The following N4BP2 variants were observed in gnomAD, a reference collection of about 807,000 sequenced individuals.
N4BP2 encodes NEDD4 binding protein 2, also known as NEDD4-binding protein 2.
N4BP2 carries 91 observed loss-of-function variants against 152.8 expected under a neutral mutation model. The ratio of observed to expected loss-of-function variants is 0.60; its 90% CI spans 0.50 to 0.71. N4BP2 has a LOEUF of 0.71. N4BP2 is among the 30% of genes least tolerant of loss of function. The pLI is 0.00. For synonymous variants in N4BP2, 646 were observed against 705.3 expected, an observed-to-expected ratio of 0.92 and a Z score of 1.33; for missense variants, 1,923 against 2,059.1, an observed-to-expected ratio of 0.93 and a Z score of 1.28.
intron 12 of N4BP2, among the ~76,000 whole-genome samples, chr4:40,126,770 T>C (rs1718447965): frequency 6.6e-6 from 1 of 152,090 alleles, no homozygotes. Context: ...TTTTATTTTA[T>C]TTTTGGAGAT....
chr4:40,147,493 G>T (rs1720665656), intron 16 of N4BP2, among the ~76,000 whole-genome samples: 1 of 149,672 alleles, frequency 6.7e-6, no homozygotes, highest in African/African-American at 2.5e-5. Flanking sequence ...GGGCGGCCGG[G>T]CAGAGGCGCC....
chr4:40,175,614 C>T, the N4BP2 span, among the ~76,000 whole-genome samples: 3 of 150,942 alleles, frequency 2.0e-5, no homozygotes, highest in East Asian at 5.9e-4. Flanking sequence ...TGAGACCAGC[C>T]TGGGCAACAA....
chr4:40,166,371 A>T, the N4BP2 span, among the ~76,000 whole-genome samples: 1 of 152,082 alleles, frequency 6.6e-6, no homozygotes, highest in Non-Finnish European at 1.5e-5. Flanking sequence ...AACTATATAT[A>T]TTACTATTAG....
At chr4:40,119,481 G>A (rs572769160) in intron 8 of N4BP2, among the ~76,000 whole-genome samples, 55 of 151,998 alleles carry the variant, frequency 3.6e-4, no homozygotes, top group African/African-American at 1.1e-3. Context: ...TCTCTTAATC[G>A]GGCAAATAGC....
intron 11 of N4BP2, among the ~76,000 whole-genome samples, chr4:40,124,596 C>T (rs988353037): frequency 1.3e-5 from 2 of 152,174 alleles, no homozygotes; most frequent in African/African-American, 4.8e-5. Flanking sequence ...ATCTGCCCAC[C>T]TTGGCCTCCC....
In N4BP2 at chr4:40,155,684, T is replaced by C. The variant is rs1269178096; in HGVS notation, c.*1447T>C. On this transcript the variant is annotated 3_prime_UTR_variant, in exon 18 of 18. Transcript: ENST00000261435. ...TTTCAACATACATAATTTTAACAAA[T>C]AGTTTTGTTGCTTTTTGTTAAGCTT... The C allele has an allele frequency of 1.3e-5, 2 of 152,166 alleles. No homozygotes were observed. The highest frequency in any genetic ancestry group is 4.8e-5 in the African/African-American group (2 of 41,458). 9.4% of individuals were successfully genotyped at this position (152,166 alleles called of 1,614,324 possible).
At chr4:40,184,978 TAAATA>T in the N4BP2 span, among the ~76,000 whole-genome samples, 1 of 151,758 alleles carries the variant, frequency 6.6e-6, no homozygotes, top group African/African-American at 2.4e-5. Context: ...AATAAATAAA[TAAATA>T]AAATAAAAAA....
chr4:40,162,690 T>C (rs1019743972), downstream of N4BP2, among the ~76,000 whole-genome samples: 2 of 152,172 alleles, frequency 1.3e-5, no homozygotes. Context: ...ATAATACACA[T>C]TATTATTTAA....
chr4:40,161,604 T>C (rs767016407), downstream of N4BP2, among the ~76,000 whole-genome samples: 34 of 152,164 alleles, frequency 2.2e-4, no homozygotes, highest in Admixed American at 3.9e-4. Flanking sequence ...AGGATCTCTA[T>C]TTTTAAAAAA....
chr4:40,059,767 G>A (rs1320591412), intron 1 of N4BP2, among the ~76,000 whole-genome samples: 3 of 152,180 alleles, frequency 2.0e-5, no homozygotes, highest in African/African-American at 7.2e-5. Context: ...TGGCTTATGT[G>A]TATGTACACA....
the N4BP2 span, among the ~76,000 whole-genome samples, chr4:40,178,112 A>G: frequency 6.6e-6 from 1 of 152,160 alleles, no homozygotes; most frequent in Admixed American, 6.5e-5. Flanking sequence ...GTGAGCCGAG[A>G]TCATGCCACT....
the N4BP2 span, among the ~76,000 whole-genome samples, chr4:40,170,394 A>T: frequency 7.2e-5 from 11 of 152,104 alleles, no homozygotes; most frequent in African/African-American, 2.4e-4. Flanking sequence ...TGACGCAGGC[A>T]GATCACTTGA....
intron 2 of N4BP2, among the ~76,000 whole-genome samples, chr4:40,095,167 T>G (rs1417151176): frequency 6.6e-6 from 1 of 152,130 alleles, no homozygotes; most frequent in Admixed American, 6.6e-5. Context: ...CACTGCAACC[T>G]CTGCCTCCCA....
intron 1 of N4BP2, among the ~76,000 whole-genome samples, chr4:40,066,923 G>A (rs1368729349): frequency 1.3e-5 from 2 of 151,956 alleles, no homozygotes; most frequent in African/African-American, 2.4e-5. Context: ...TTGACTACTT[G>A]TAGATACCGC....
intron 2 of N4BP2, among the ~76,000 whole-genome samples, chr4:40,086,787 G>T (rs1039701688): frequency 3.9e-5 from 6 of 152,012 alleles, no homozygotes; most frequent in Non-Finnish European, 7.4e-5. Flanking sequence ...TTGCTTTGTT[G>T]CTCATGCTGG....
intron 4 of N4BP2, among the ~76,000 whole-genome samples, chr4:40,104,302 C>T (rs1446830907): frequency 6.6e-6 from 1 of 151,202 alleles, no homozygotes; most frequent in East Asian, 1.9e-4. Flanking sequence ...AACCATTAGC[C>T]TTCTAACATT....
At chr4:40,117,819 A>G (rs1485059045) in intron 7 of N4BP2, 50 bp from the exon 8 acceptor site, 5 of 1,496,652 alleles carry the variant, frequency 3.3e-6, no homozygotes, top group Non-Finnish European at 3.6e-6. Context: ...GATTTTTAAA[A>G]ACTTAATTAT....
At chr4:40,106,631 C>T (rs1716319658) in intron 4 of N4BP2, among the ~76,000 whole-genome samples, 1 of 152,164 alleles carries the variant, frequency 6.6e-6, no homozygotes, top group South Asian at 2.1e-4. Context: ...TCACTGCAAC[C>T]TCTGCCTCCT....
intron 2 of N4BP2, among the ~76,000 whole-genome samples, chr4:40,074,484 C>T (rs966453442): frequency 1.3e-5 from 2 of 151,996 alleles, no homozygotes; most frequent in Non-Finnish European, 2.9e-5. Flanking sequence ...GCTGGGACAA[C>T]AGGTGTGAGC....
Sources: allele counts gnomAD v4.1 joint callset (sites outside exome capture counted in the v4.1 genomes callset), GRCh38; gene constraint gnomAD v4.1.1; transcripts MANE v1.5; gene names NCBI Gene and HGNC (gene_info 2026-07-23, HGNC 2026-07-21).